CSMD3: variants seen among roughly 807,000 people sequenced by gnomAD.
CSMD3 encodes the protein CUB and Sushi multiple domains 3.
In CSMD3, 177 loss-of-function variants were observed where a neutral mutation model predicts 435.2. The ratio of observed to expected loss-of-function variants is 0.41; its 90% CI spans 0.36 to 0.46. The LOEUF is 0.46. Ranked by LOEUF, CSMD3 falls within the 20% of genes least tolerant of loss-of-function variation. The probability of loss-of-function intolerance (pLI) is 0.34; values close to 1 mark genes in which losing one functional copy is unlikely to be tolerated. For synonymous variants in CSMD3, 1,656 were observed against 1,520.5 expected (o/e 1.09, Z -2.07); for missense variants, 4,265 against 4,504.6 (o/e 0.95, Z 1.52).
In CSMD3 at chr8:112,380,463, T is replaced by C. The variant is rs1299722532; in HGVS notation, c.6032-7A>G. On this transcript the variant is annotated splice_region_variant and splice_polypyrimidine_tract_variant and intron_variant, in intron 37 of 70. Transcript: ENST00000297405. ...AGATGGGGTATTGTTGTTCCTGAAA[T>C]GATATATGAGAAGGCAAGACAATGA... The C allele has an allele frequency of 2.8e-6, 4 of 1,414,198 alleles. No homozygotes were observed. Among genetic ancestry groups the C allele is most frequent in the Non-Finnish European group, 4.0e-6 (4 of 998,542 alleles). 87.6% of individuals were successfully genotyped at this position (1,414,198 alleles called of 1,614,324 possible).
At chr8:113,377,072 C>T (rs1206630301) in intron 1 of CSMD3, 2 of 1,304,208 alleles carry the variant, frequency 1.5e-6, no homozygotes, top group East Asian at 8.2e-5. Context: ...AAGAGCCTCA[C>T]TTTTCGCCAG....
At chr8:112,747,709 C>T (rs1049504288) in intron 13 of CSMD3, among the ~76,000 whole-genome samples, 1 of 152,136 alleles carries the variant, frequency 6.6e-6, no homozygotes, top group Non-Finnish European at 1.5e-5. Context: ...GGCGCGGTGG[C>T]TCACGCCTGT....
rs1159127460 is a variant in CSMD3, at chr8:112,314,570, A to G, written c.7408T>C (p.Leu2470=). The stretch of plus-strand genomic sequence containing the variant: ...TAACTGTCAGGATATCCAGGGCTCA[A>G]TATGACTCCAGTAGAATCTAGCCGT... The part of the protein sequence containing the change: ...ELRLDSTGVI[L]SPGYPDSYPN... The change falls in exon 48 of 71, where the codon TTG becomes CTG. Residue 2470 remains leucine (L), a synonymous_variant. Transcript: ENST00000297405. 59 of 1,612,824 alleles carry G rather than the reference A, an allele frequency of 3.7e-5. No homozygotes were observed. The highest frequency in any genetic ancestry group is 4.9e-5 in the Non-Finnish European group (58 of 1,179,098).
chr8:112,265,065 A>G (rs1816806303), intron 60 of CSMD3, among the ~76,000 whole-genome samples: 1 of 152,040 alleles, frequency 6.6e-6, no homozygotes, highest in Non-Finnish European at 1.5e-5. Context: ...ACCCAAGTGG[A>G]TCAGCAAATT....
intron 27 of CSMD3, among the ~76,000 whole-genome samples, chr8:112,543,043 C>A (rs1313904637): frequency 6.6e-6 from 1 of 151,806 alleles, no homozygotes; most frequent in East Asian, 1.9e-4. Flanking sequence ...AATTGGATAT[C>A]CAGAAGCAAA....
chr8:112,572,081 T>C (rs1388328480), intron 24 of CSMD3, among the ~76,000 whole-genome samples: 4 of 151,906 alleles, frequency 2.6e-5, no homozygotes, highest in Non-Finnish European at 5.9e-5. Flanking sequence ...ACACCAATTA[T>C]ATTTGAGCAA....
intron 1 of CSMD3, among the ~76,000 whole-genome samples, chr8:113,371,663 A>C (rs1310477857): frequency 6.6e-6 from 1 of 152,208 alleles, no homozygotes; most frequent in African/African-American, 2.4e-5. Context: ...AGTGGGATGC[A>C]GGCAACGAAT....
chr8:112,706,666 T>A (rs764140936), intron 13 of CSMD3, among the ~76,000 whole-genome samples: 2 of 152,000 alleles, frequency 1.3e-5, no homozygotes, highest in Non-Finnish European at 2.9e-5. Flanking sequence ...ACTAGAGAGA[T>A]GTGGGGCTAC....
At chr8:112,372,731 C>T (rs1056556133) in intron 38 of CSMD3, among the ~76,000 whole-genome samples, 16 of 151,666 alleles carry the variant, frequency 1.1e-4, no homozygotes, top group Non-Finnish European at 2.2e-4. Flanking sequence ...GACATGTAGT[C>T]CCAGCTACTC....
At chr8:112,717,793 T>TCAGCAAA (rs1240155322) in intron 13 of CSMD3, among the ~76,000 whole-genome samples, 1 of 152,146 alleles carries the variant, frequency 6.6e-6, no homozygotes, top group Non-Finnish European at 1.5e-5. Context: ...ACCATCATCC[T>TCAGCAAA]CAGCAAACTA....
intron 31 of CSMD3, among the ~76,000 whole-genome samples, chr8:112,485,393 G>T (rs1820025841): frequency 6.6e-6 from 1 of 152,000 alleles, no homozygotes; most frequent in Non-Finnish European, 1.5e-5. Flanking sequence ...TGAATCTTTT[G>T]TCTGCATGCT....
intron 5 of CSMD3, among the ~76,000 whole-genome samples, chr8:113,052,117 G>A (rs1353047360): frequency 6.6e-6 from 1 of 152,124 alleles, no homozygotes; most frequent in Non-Finnish European, 1.5e-5. Flanking sequence ...TATTTAATAA[G>A]TAACCAAGTA....
rs187218770 is a variant in CSMD3 at position 112,948,299 on chromosome 8, C to T, written c.1421-422G>A. Among the ~76,000 whole-genome samples the T allele has an allele frequency of 7.0e-4, 106 of 151,956 alleles. 1 individual carries two copies. In the East Asian group the frequency reaches 0.012, roughly 17 times the overall value. On this transcript the variant is annotated intron_variant, in intron 8 of 70. Transcript: ENST00000297405. ...ATTTTTGAAGGTGTAATAAAAAATACGACTTTATGAAAAAAGTTCAAAGTT... is the reference window on the plus strand; with the variant it reads ...ATTTTTGAAGGTGTAATAAAAAATATGACTTTATGAAAAAAGTTCAAAGTT...
chr8:113,254,316 A>C (rs2093361399), intron 3 of CSMD3, among the ~76,000 whole-genome samples: 2 of 152,230 alleles, frequency 1.3e-5, no homozygotes, highest in South Asian at 4.1e-4. Context: ...ATAAGCTGGA[A>C]GCGTGCATGA....
chr8:112,408,635 A>T (rs1313355549), intron 33 of CSMD3, among the ~76,000 whole-genome samples: 2 of 152,014 alleles, frequency 1.3e-5, no homozygotes, highest in East Asian at 3.9e-4. Context: ...ATATTGCCTC[A>T]TTCTTCAAAG....
intron 5 of CSMD3, among the ~76,000 whole-genome samples, chr8:113,021,710 A>G (rs886689140): frequency 4.6e-5 from 7 of 152,204 alleles, no homozygotes; most frequent in African/African-American, 1.4e-4. Flanking sequence ...AGTACAGTAA[A>G]GGCAAGTAAT....
intron 10 of CSMD3, among the ~76,000 whole-genome samples, chr8:112,865,684 C>CACA (rs2080957820): frequency 7.3e-6 from 1 of 136,342 alleles, no homozygotes; most frequent in African/African-American, 2.8e-5. Flanking sequence ...CCTTTACATA[C>CACA]CCCACACACA....
intron 32 of CSMD3, among the ~76,000 whole-genome samples, chr8:112,448,755 T>TGA (rs1815917898): frequency 7.9e-6 from 1 of 127,204 alleles, no homozygotes; most frequent in African/African-American, 3.2e-5. Context: ...TACAATCTAT[T>TGA]AAAAAAAAAA....
At chr8:112,552,501 C>CA in intron 26 of CSMD3, 93 bp downstream of exon 26, 1 of 1,320,248 alleles carries the variant, frequency 7.6e-7, no homozygotes, top group Non-Finnish European at 1.0e-6. Flanking sequence ...AACAAACAAA[C>CA]AAAAAATGAA....
Sources: allele counts gnomAD v4.1 joint callset (sites outside exome capture counted in the v4.1 genomes callset), GRCh38; gene constraint gnomAD v4.1.1; transcripts MANE v1.5; gene names NCBI Gene and HGNC (gene_info 2026-07-23, HGNC 2026-07-21).